LRP1: variants seen among roughly 807,000 people sequenced by gnomAD.
The protein encoded by LRP1 is prolow-density lipoprotein receptor-related protein 1.
In LRP1, 51 loss-of-function variants were observed where a neutral mutation model predicts 541.5. The observed-to-expected ratio is 0.09, with a 90% CI of 0.08 to 0.12. The LOEUF is 0.12. LRP1 is among the 10% of genes least tolerant of loss of function. The pLI, the probability that LRP1 is intolerant of heterozygous loss-of-function variation, is 1.00. For missense variants in LRP1, 3,878 were observed against 6,376.2 expected, an observed-to-expected ratio of 0.61 and a Z score of 13.34; for synonymous variants, 2,219 against 2,470.8, an observed-to-expected ratio of 0.90 and a Z score of 3.02.
chr12:57,155,434 G>C (rs892331766), intron 8 of LRP1: 5 of 156,026 alleles, frequency 3.2e-5, no homozygotes, highest in African/African-American at 1.2e-4. Flanking sequence ...CCCTCAAGGG[G>C]TCTGAGTAGA....
Position 57,165,867 on chromosome 12 carries a change from C to T in LRP1, c.2593C>T (p.Arg865Cys). ...QPGEFACANSRCIQERWKCDG... is the reference protein window; with the variant it reads ...QPGEFACANSCCIQERWKCDG... ...AGGCGAGTTTGCCTGTGCCAACAGC[C>T]GCTGCATCCAGGAGCGCTGGAAGTG... is the stretch of plus-strand genomic sequence containing the variant. The change falls in exon 16 of 89, where the codon CGC becomes TGC. Residue 865 changes from arginine (R) to cysteine (C), a missense_variant. This residue lies in a region of LRP1 where 496 missense variants were observed against 861.0 expected (regional missense o/e 0.58). Transcript: ENST00000243077. This position sits in a 1 kb window ranked among gnomAD's most constrained non-coding sequence, Gnocchi z 4.5. 2.5e-6 allele frequency: 4 copies of T among 1,614,220 alleles called. No individual in the cohort carries two copies. The highest frequency in any genetic ancestry group is 3.4e-6 in the Non-Finnish European group (4 of 1,180,036).
chr12:57,149,772 C>T (rs1046877698), intron 6 of LRP1: 1 of 710,542 alleles, frequency 1.4e-6, no homozygotes, highest in Non-Finnish European at 2.6e-6. Flanking sequence ...AGTCGGGACC[C>T]AGCAGGAAAC....
chr12:57,212,322 G>A lies in LRP1; in HGVS notation c.13494+61G>A. Reference sequence around the variant, plus strand: ...GGCCGTGGGTGGCCTAACCAAAGGTGTTGGGTTAGGTGAGGGACGGAGGTG... The same window carrying A: ...GGCCGTGGGTGGCCTAACCAAAGGTATTGGGTTAGGTGAGGGACGGAGGTG... On this transcript the variant is annotated intron_variant, in intron 88 of 88. Coordinates refer to ENST00000243077, the MANE Select transcript of LRP1 (RefSeq NM_002332.3). This position sits in a 1 kb window ranked among gnomAD's most constrained non-coding sequence, Gnocchi z 5.0. 1.9e-6 allele frequency: 3 copies of A among 1,611,586 alleles called. No individual in the cohort carries two copies. Among genetic ancestry groups the A allele is most frequent in the South Asian group, 2.2e-5 (2 of 90,998 alleles).
At chr12:57,169,330 G>T in intron 20 of LRP1, 23 bp downstream of exon 20, 2 of 1,587,680 alleles carry the variant, frequency 1.3e-6, no homozygotes, top group East Asian at 2.3e-5. Flanking sequence ...GGCCCGTGGG[G>T]TGGGGATGAG....
intron 45 of LRP1, 61 bp downstream of exon 45, chr12:57,193,031 C>T: frequency 6.3e-7 from 1 of 1,593,554 alleles, no homozygotes; most frequent in Non-Finnish European, 8.6e-7. Flanking sequence ...GGATGGTGAC[C>T]ATCTCCCCTA....
chr12:57,200,250 T>C, intron 62 of LRP1, 192 bp from the exon 63 acceptor site: 1 of 643,158 alleles, frequency 1.6e-6, no homozygotes, highest in Non-Finnish European at 2.8e-6. Flanking sequence ...CTTGCCATGC[T>C]TCAGTGCTGC....
intron 20 of LRP1, among the ~76,000 whole-genome samples, chr12:57,172,509 G>A (rs117324780): frequency 0.022 from 3,282 of 152,248 alleles, 52 homozygotes; most frequent in Non-Finnish European, 0.034. Flanking sequence ...TCCTATCTCG[G>A]AGATGAGACT....
At position 57,200,826 on chromosome 12, in the gene LRP1, G is replaced by GGCCCCCCCCCCCCCCCCCCTCCCCC; in HGVS notation, c.10225+11_10225+12insGCCCCCCCCCCCCCCCCCCTCCCCC. The GGCCCCCCCCCCCCCCCCCCTCCCCC allele has an allele frequency of 6.3e-7, 1 of 1,581,436 alleles. No individual in the cohort carries two copies. The highest frequency in any genetic ancestry group is 8.6e-7 in the Non-Finnish European group (1 of 1,157,680). ...ACGAGGCCAACTGTGGTAAGGCGCTGCCCGCCCACCCTCCCTCCTTCCCCA... is the reference window on the plus strand; with the variant it reads ...ACGAGGCCAACTGTGGTAAGGCGCTGGCCCCCCCCCCCCCCCCCCTCCCCCCCCGCCCACCCTCCCTCCTTCCCCA... On this transcript the variant is annotated intron_variant, in intron 64 of 88. Transcript: ENST00000243077.
intron 19 of LRP1, among the ~76,000 whole-genome samples, chr12:57,167,767 A>ACC (rs1260730413): frequency 6.6e-6 from 1 of 152,160 alleles, no homozygotes; most frequent in East Asian, 1.9e-4. Flanking sequence ...TGAGCTGCCC[A>ACC]CCCTCTAGTA....
In LRP1 at chr12:57,204,875, C is replaced by G. The variant is rs2036737387; in HGVS notation, c.11194+126C>G. The G allele has an allele frequency of 6.8e-7, 1 of 1,461,496 alleles. No individual in the cohort carries two copies. The highest frequency in any genetic ancestry group is 9.3e-7 in the Non-Finnish European group (1 of 1,080,888). The allele number at this position is 1,461,496 out of a possible 1,614,324, so 90.5% of individuals were successfully genotyped here. On this transcript the variant is annotated intron_variant, in intron 72 of 88. Coordinates refer to ENST00000243077, the MANE Select transcript of LRP1 (RefSeq NM_002332.3). The surrounding 1 kb of genome is among the most constrained non-coding windows in gnomAD (Gnocchi z 5.3). ...AGGACTCGCCCAGGAAGGGGAGGAT[C>G]CATTGCTAGGAGCCTGGGGGCTTTT... is the stretch of plus-strand genomic sequence containing the variant.
At chr12:57,195,525 T>C in intron 52 of LRP1, 126 bp downstream of exon 52, 2 of 1,570,460 alleles carry the variant, frequency 1.3e-6, no homozygotes, top group Non-Finnish European at 1.7e-6. Flanking sequence ...GAGCCATAGC[T>C]GTAGCCCAGG....
chr12:57,136,843 G>T (rs1054063369), intron 1 of LRP1, among the ~76,000 whole-genome samples: 24 of 152,336 alleles, frequency 1.6e-4, no homozygotes, highest in African/African-American at 5.8e-4. Context: ...TGAAATGGTG[G>T]TATTAGTTGT....
intron 2 of LRP1, among the ~76,000 whole-genome samples, chr12:57,139,055 C>T (rs546062132): frequency 6.6e-6 from 1 of 152,322 alleles, no homozygotes; most frequent in East Asian, 1.9e-4. Flanking sequence ...CCTTCCCCTG[C>T]CCCCAGTAAG....
In LRP1 at chr12:57,196,057, C is replaced by T. The variant is rs375320700; in HGVS notation, c.8702-30C>T. On this transcript the variant is annotated intron_variant, in intron 54 of 88. Coordinates refer to ENST00000243077, the MANE Select transcript of LRP1 (RefSeq NM_002332.3). Reference sequence around the variant, plus strand: ...CCCCTCCCCAGACTGCCTGAGACCCCGCTGACCTGCCGCCTCCGCCCCTCC... The same window carrying T: ...CCCCTCCCCAGACTGCCTGAGACCCTGCTGACCTGCCGCCTCCGCCCCTCC... The T allele has an allele frequency of 9.9e-6, 16 of 1,610,088 alleles. No homozygotes were observed. The Middle Eastern group carries it at 4.9e-4, about 50-fold the overall frequency.
rs144804370 is a variant in LRP1, at chr12:57,183,855, G to T, written c.5875G>T (p.Val1959Leu). ...GCGGGACCAGACGTGGCGTGAAGACGTGGTGACCAATGGCATTGGCCGTGT... is the reference window on the plus strand; with the variant it reads ...GCGGGACCAGACGTGGCGTGAAGACTTGGTGACCAATGGCATTGGCCGTGT... The part of the protein sequence containing the change: ...AKRDQTWRED[V>L]VTNGIGRVEG... Residue 1959 changes from valine to leucine, a missense_variant, in exon 36 of 89, where the codon GTG (valine) becomes TTG (leucine). Physicochemically the swap from Val to Leu is conservative, Grantham distance 32. This residue lies in a region of LRP1 where 394 missense variants were observed against 635.9 expected (regional missense o/e 0.62). Transcript: ENST00000243077. This position sits in a 1 kb window ranked among gnomAD's most constrained non-coding sequence, Gnocchi z 6.1. The T allele has an allele frequency of 4.3e-6, 7 of 1,614,088 alleles. No individual in the cohort carries two copies. Among genetic ancestry groups the T allele is most frequent in the Non-Finnish European group, 5.9e-6 (7 of 1,180,050 alleles).
At chr12:57,199,846 T>A in intron 61 of LRP1, 31 bp from the exon 62 acceptor site, 5 of 1,559,342 alleles carry the variant, frequency 3.2e-6, no homozygotes, top group Non-Finnish European at 4.3e-6. Context: ...CCAGAAAATG[T>A]CACCATATTT....
intron 23 of LRP1, 30 bp downstream of exon 23, chr12:57,175,735 G>T: frequency 6.5e-7 from 1 of 1,548,738 alleles, no homozygotes; most frequent in Non-Finnish European, 8.7e-7. Flanking sequence ...TGGTGGGGCA[G>T]GCCGAGGCAG....
At chr12:57,207,550 A>G (rs948028978) in intron 76 of LRP1, among the ~76,000 whole-genome samples, 8 of 150,032 alleles carry the variant, frequency 5.3e-5, no homozygotes. Flanking sequence ...AAAAAGAAAA[A>G]GAAAACAAAA....
In LRP1 at chr12:57,205,237, G is replaced by T. The variant is rs752426196; in HGVS notation, c.11323G>T (p.Asp3775Tyr). Reference protein sequence around the residue: ...DDCGDGSDEEDCSIDPKLTSC... With the variant: ...DDCGDGSDEEYCSIDPKLTSC... The stretch of plus-strand genomic sequence containing the variant: ...CTGCGGGGACGGCTCTGACGAGGAG[G>T]ACTGCAGCATCGGTGAGGCCCGGCA... Residue 3775 changes from aspartate to tyrosine, a missense_variant, in exon 73 of 89, where the codon GAC becomes TAC. Transcript: ENST00000243077. This position sits in a 1 kb window ranked among gnomAD's most constrained non-coding sequence, Gnocchi z 4.6. The T allele has an allele frequency of 4.3e-6, 7 of 1,612,270 alleles. No homozygotes were observed. In the Admixed American group the frequency reaches 1.2e-4, roughly 27 times the overall value.
Sources: gnomAD v4.1 joint callset for allele counts (sites outside exome capture counted in the v4.1 genomes callset) on GRCh38, gnomAD v4.1.1 for gene constraint, gnomAD v4.1.1 regional missense constraint, Gnocchi (gnomAD v3.1) non-coding constraint, MANE v1.5 for transcripts, NCBI Gene and HGNC (gene_info 2026-07-23, HGNC 2026-07-21) for gene names.